Variants in CDKL3 observed in about 807,000 individuals in gnomAD.
CDKL3 encodes cyclin dependent kinase like 3, also known as cyclin-dependent kinase-like 3.
In CDKL3, 65 loss-of-function variants were observed where a neutral mutation model predicts 69.3. That is an observed-to-expected ratio of 0.94 (90% CI 0.77 to 1.15). The LOEUF (loss-of-function observed/expected upper bound fraction) is 1.15. CDKL3 is among the 50% of genes most tolerant of loss of function. CDKL3 has a pLI of 0.00. For missense variants in CDKL3, 652 were observed against 689.2 expected, an observed-to-expected ratio of 0.95 and a Z score of 0.61; for synonymous variants, 202 against 221.6, an observed-to-expected ratio of 0.91 and a Z score of 0.79.
intron 8 of CDKL3, among the ~76,000 whole-genome samples, chr5:134,287,504 A>T (rs911364907): frequency 1.3e-5 from 2 of 152,186 alleles, no homozygotes; most frequent in Non-Finnish European, 2.9e-5. Flanking sequence ...CACGTGGTCA[A>T]AGGACTTAGA....
At chr5:134,301,334 A>G (rs1405825194) in intron 12 of CDKL3, among the ~76,000 whole-genome samples, 1 of 152,086 alleles carries the variant, frequency 6.6e-6, no homozygotes, top group African/African-American at 2.4e-5. Flanking sequence ...TCTTCTCTGC[A>G]AAGTGGACTG....
chr5:134,285,402 C>T (rs185328156), downstream of CDKL3, among the ~76,000 whole-genome samples: 8 of 152,242 alleles, frequency 5.3e-5, no homozygotes, highest in African/African-American at 1.9e-4. Context: ...AGGCTCAACA[C>T]TACAGGGAAG....
At chr5:134,354,078 C>T (rs1753967132) in intron 3 of CDKL3, among the ~76,000 whole-genome samples, 1 of 152,146 alleles carries the variant, frequency 6.6e-6, no homozygotes, top group Non-Finnish European at 1.5e-5. Context: ...CCAGCTATTT[C>T]CTCAGGACTC....
rs1198861400 is a variant in CDKL3 at position 134,330,248 on chromosome 5, A to C, written c.540-8345T>G. On this transcript the variant is annotated intron_variant, in intron 4 of 12. Coordinates refer to ENST00000265334, the MANE Select transcript of CDKL3 (RefSeq NM_001113575.2). ...TTTATAGATTTTTTAAGATTAGGAA[A>C]AAAAAGAATGAGGAGGAACTAAATC... Among the ~76,000 whole-genome samples the C allele has an allele frequency of 2.6e-5, 4 of 152,256 alleles. No homozygotes were observed. The East Asian group carries it at 7.7e-4, about 29-fold the overall frequency.
intron 6 of CDKL3, among the ~76,000 whole-genome samples, chr5:134,317,763 C>CA (rs1316963098): frequency 6.6e-6 from 1 of 151,968 alleles, no homozygotes; most frequent in Non-Finnish European, 1.5e-5. Context: ...TCCATCTCTA[C>CA]AAAAAATACA....
At position 134,308,295 on chromosome 5, in the gene CDKL3, T is replaced by C; in HGVS notation, c.1207A>G (p.Ile403Val). The change falls in exon 9 of 13, where the codon ATT (isoleucine) becomes GTT (valine). Residue 403 changes from isoleucine to valine, a missense_variant. Physicochemically the swap from Ile to Val is conservative, Grantham distance 29. Coordinates refer to ENST00000265334, the MANE Select transcript of CDKL3 (RefSeq NM_001113575.2). ...PMSPDTKLVT[I>V]EPPNPINPST... ...GGATTGATAGGGTTTGGTGGTTCAA[T>C]GGTTACAAGTTTTGTATCTGGAGAC... 6.2e-7 allele frequency: 1 copy of C among 1,613,996 alleles called. No individual in the cohort carries two copies. Among genetic ancestry groups the C allele is most frequent in the Non-Finnish European group, 8.5e-7 (1 of 1,179,862 alleles).
intron 8 of CDKL3, among the ~76,000 whole-genome samples, chr5:134,290,157 C>A (rs1281147506): frequency 2.0e-5 from 3 of 151,832 alleles, no homozygotes; most frequent in African/African-American, 7.3e-5. Context: ...AAATCAAGAC[C>A]CTCCTGGCCA....
chr5:134,288,905 ATG>A (rs1764995544), intron 8 of CDKL3, among the ~76,000 whole-genome samples: 2 of 151,956 alleles, frequency 1.3e-5, no homozygotes, highest in African/African-American at 4.8e-5. Flanking sequence ...CTCTCATAAT[ATG>A]TGACTTTAAA....
downstream of CDKL3, among the ~76,000 whole-genome samples, chr5:134,297,790 C>T (rs968113954): frequency 6.6e-6 from 1 of 151,770 alleles, no homozygotes; most frequent in African/African-American, 2.4e-5. Flanking sequence ...CCATGTTGGT[C>T]AGGCTGGTCT....
At chr5:134,304,832 ATAT>A (rs143426655) in intron 10 of CDKL3, among the ~76,000 whole-genome samples, 1,766 of 146,324 alleles carry the variant, frequency 0.012, 40 homozygotes, top group African/African-American at 0.039. Context: ...AATAATAATA[ATAT>A]TATTATTATT....
intron 4 of CDKL3, among the ~76,000 whole-genome samples, chr5:134,333,770 T>G (rs1239920029): frequency 6.6e-6 from 1 of 152,178 alleles, no homozygotes; most frequent in African/African-American, 2.4e-5. Context: ...TGGCCTAAAA[T>G]TCTGTTTTGT....
chr5:134,361,123 T>C (rs1178183193), intron 2 of CDKL3, among the ~76,000 whole-genome samples: 1 of 152,210 alleles, frequency 6.6e-6, no homozygotes, highest in African/African-American at 2.4e-5. Context: ...ACAAATGAGA[T>C]TTAATATTGT....
intron 4 of CDKL3, among the ~76,000 whole-genome samples, chr5:134,333,195 T>C (rs1776227641): frequency 1.3e-5 from 2 of 152,262 alleles, no homozygotes; most frequent in Non-Finnish European, 2.9e-5. Flanking sequence ...AAGTTGCTTA[T>C]CAGCTTAAGG....
At chr5:134,296,794 C>A (rs1298761730), downstream of CDKL3, among the ~76,000 whole-genome samples, 1 of 151,344 alleles carries the variant, frequency 6.6e-6, no homozygotes, top group Non-Finnish European at 1.5e-5. Flanking sequence ...CACACACACA[C>A]ACACACACAC....
chr5:134,347,379 C>T (rs572424151), intron 4 of CDKL3, among the ~76,000 whole-genome samples: 1 of 152,166 alleles, frequency 6.6e-6, no homozygotes, highest in South Asian at 2.1e-4. Flanking sequence ...CTGTATGACC[C>T]ACAATTCTAA....
chr5:134,359,424 A>G (rs1274887699), intron 3 of CDKL3, among the ~76,000 whole-genome samples: 1 of 152,184 alleles, frequency 6.6e-6, no homozygotes, highest in Non-Finnish European at 1.5e-5. Flanking sequence ...CATAGGTTAA[A>G]TGACAAGGCC....
At chr5:134,298,351 T>C, downstream of CDKL3, 2 of 1,095,542 alleles carry the variant, frequency 1.8e-6, no homozygotes, top group Non-Finnish European at 2.2e-6. Flanking sequence ...GCAGAGATCA[T>C]TAAGTATAAG....
intron 4 of CDKL3, among the ~76,000 whole-genome samples, chr5:134,331,553 T>C (rs1435708159): frequency 6.6e-6 from 1 of 152,148 alleles, no homozygotes; most frequent in East Asian, 1.9e-4. Flanking sequence ...CATGTGGTGT[T>C]TGGTTTTCTG....
At chr5:134,324,979 G>A (rs1773765346) in intron 4 of CDKL3, among the ~76,000 whole-genome samples, 1 of 152,296 alleles carries the variant, frequency 6.6e-6, no homozygotes, top group African/African-American at 2.4e-5. Context: ...TTCTTCTGGA[G>A]CCTAAAACTG....
Sources: gnomAD v4.1 joint callset for allele counts (sites outside exome capture counted in the v4.1 genomes callset) on GRCh38, gnomAD v4.1.1 for gene constraint, MANE v1.5 for transcripts, NCBI Gene and HGNC (gene_info 2026-07-23, HGNC 2026-07-21) for gene names.